Variants in ADTRP observed in about 807,000 individuals in gnomAD.
The protein encoded by ADTRP is androgen dependent TFPI regulating protein, also known as androgen-dependent TFPI-regulating protein.
ADTRP carries 20 observed loss-of-function variants against 27.0 expected under a neutral mutation model. That is an observed-to-expected ratio of 0.74 (90% CI 0.52 to 1.08). The LOEUF is 1.08. Among genes scored for constraint, ADTRP ranks in the 50% least tolerant of loss-of-function variants. ADTRP has a pLI of 0.00. For missense variants in ADTRP, 251 were observed against 275.0 expected, an observed-to-expected ratio of 0.91 and a Z score of 0.62; for synonymous variants, 101 against 105.2, an observed-to-expected ratio of 0.96 and a Z score of 0.25.
intron 4 of ADTRP, among the ~76,000 whole-genome samples, chr6:11,727,985 G>A (rs1373667122): frequency 6.9e-6 from 1 of 144,316 alleles, no homozygotes; most frequent in African/African-American, 2.5e-5. Flanking sequence ...TAGGTAGGGA[G>A]GGAGGGAGGG....
intron 3 of ADTRP, among the ~76,000 whole-genome samples, chr6:11,746,981 G>T (rs982152357): frequency 6.6e-6 from 1 of 152,170 alleles, no homozygotes; most frequent in Non-Finnish European, 1.5e-5. Context: ...CCACAACCCC[G>T]AGGTTGGCTG....
chr6:11,727,072 G>T (rs1762230965), intron 4 of ADTRP, among the ~76,000 whole-genome samples: 1 of 152,168 alleles, frequency 6.6e-6, no homozygotes, highest in Admixed American at 6.5e-5. Flanking sequence ...GCTCAGGCTG[G>T]AGTGCAGTGG....
chr6:11,754,495 T>C (rs941830404), intron 3 of ADTRP, among the ~76,000 whole-genome samples: 9 of 152,154 alleles, frequency 5.9e-5, no homozygotes, highest in African/African-American at 2.2e-4. Flanking sequence ...ATCTAAGAGC[T>C]AAGGATCCAC....
At chr6:11,763,601 T>C (rs967033004) in intron 3 of ADTRP, among the ~76,000 whole-genome samples, 6 of 152,218 alleles carry the variant, frequency 3.9e-5, no homozygotes, top group African/African-American at 1.4e-4. Flanking sequence ...TTTCCCAGAA[T>C]TGTATTCCTT....
At chr6:11,772,932 C>G (rs920775370) in intron 1 of ADTRP, among the ~76,000 whole-genome samples, 2 of 152,184 alleles carry the variant, frequency 1.3e-5, no homozygotes, top group African/African-American at 2.4e-5. Flanking sequence ...CCAAGAGCAT[C>G]AAGGGACAGG....
At chr6:11,758,575 T>TTG (rs67836687) in intron 3 of ADTRP, among the ~76,000 whole-genome samples, 1 of 29,448 alleles carries the variant, frequency 3.4e-5, no homozygotes, top group East Asian at 9.7e-4. Flanking sequence ...TGTTGTGGGG[T>TTG]GGGGGGGGGG....
intron 3 of ADTRP, among the ~76,000 whole-genome samples, chr6:11,763,305 G>T (rs1478907489): frequency 6.6e-6 from 1 of 152,190 alleles, no homozygotes; most frequent in African/African-American, 2.4e-5. Context: ...GGGGAGAGTG[G>T]TATTTCTTAC....
intron 3 of ADTRP, among the ~76,000 whole-genome samples, chr6:11,764,894 TAAAAAAAAAAAAAAA>T (rs34204085): frequency 1.6e-5 from 2 of 122,360 alleles, no homozygotes; most frequent in Non-Finnish European, 3.3e-5. Flanking sequence ...TACCATTTCT[TAAAAAAAAAAAAAAA>T]AAAAAAAAGC....
chr6:11,732,693 A>G (rs1762427198), intron 4 of ADTRP, among the ~76,000 whole-genome samples: 1 of 152,180 alleles, frequency 6.6e-6, no homozygotes, highest in Non-Finnish European at 1.5e-5. Context: ...CGAAATCCCA[A>G]ACCACCTCAG....
At chr6:11,724,950 A>G (rs1278299305) in intron 4 of ADTRP, among the ~76,000 whole-genome samples, 2 of 152,246 alleles carry the variant, frequency 1.3e-5, no homozygotes, top group Non-Finnish European at 2.9e-5. Context: ...GATCTCTTGT[A>G]GCAATTAGGA....
intron 5 of ADTRP, among the ~76,000 whole-genome samples, chr6:11,716,943 C>T (rs1215458437): frequency 3.4e-5 from 5 of 146,700 alleles, no homozygotes; most frequent in Non-Finnish European, 7.4e-5. Flanking sequence ...CCAGGCTTCT[C>T]TTGAACTCCT....
At position 11,718,895 on chromosome 6, in the gene ADTRP, C is replaced by T. The variant is rs145941045; in HGVS notation, c.659-4383G>A. 5.0e-3 allele frequency among the ~76,000 whole-genome samples: 769 copies of T among 152,334 alleles called. 7 individuals carry two copies. The highest frequency in any genetic ancestry group is 0.027 in the South Asian group (128 of 4,826). ...GCCATGACAACACTTGCCTCCTTGA[C>T]GCTCAAAGCCAGTTCCCTGCAACTG... On this transcript the variant is annotated intron_variant, in intron 5 of 5. Transcript: ENST00000414691.
At chr6:11,778,206 A>T (rs1332921452) in intron 1 of ADTRP, among the ~76,000 whole-genome samples, 2 of 152,340 alleles carry the variant, frequency 1.3e-5, no homozygotes, top group East Asian at 3.9e-4. Flanking sequence ...CTTCATTGGA[A>T]ATTACACTTC....
chr6:11,726,268 A>G (rs376358928), intron 4 of ADTRP, among the ~76,000 whole-genome samples: 3 of 152,116 alleles, frequency 2.0e-5, no homozygotes, highest in African/African-American at 4.8e-5. Flanking sequence ...TATGGTTTCA[A>G]TATGGTTTGT....
intron 5 of ADTRP, among the ~76,000 whole-genome samples, 189 bp from the exon 6 acceptor site, chr6:11,714,701 C>G (rs552338011): frequency 2.6e-5 from 4 of 152,210 alleles, no homozygotes; most frequent in Non-Finnish European, 5.9e-5. Flanking sequence ...GAGAACAACT[C>G]TGCCGTCCTC....
chr6:11,726,979 G>A (rs965788624), intron 4 of ADTRP, among the ~76,000 whole-genome samples: 5 of 152,130 alleles, frequency 3.3e-5, no homozygotes, highest in Admixed American at 3.3e-4. Flanking sequence ...TGAGAATGAG[G>A]TGACTAGAAC....
rs1415725370 is a variant in ADTRP at position 11,778,792 on chromosome 6, T to G, written c.-33A>C. Reference sequence around the variant, plus strand: ...GCTGACCGGGGCACCGTGAATGTCTTGAGTACTTTCTGGCGTCCTTCTGTG... The same window carrying G: ...GCTGACCGGGGCACCGTGAATGTCTGGAGTACTTTCTGGCGTCCTTCTGTG... On this transcript the variant is annotated 5_prime_UTR_variant, in exon 1 of 6. Coordinates refer to ENST00000414691, the MANE Select transcript of ADTRP (RefSeq NM_032744.4). The G allele has an allele frequency of 6.3e-7, 1 of 1,587,494 alleles. No homozygotes were observed. Among genetic ancestry groups the G allele is most frequent in the African/African-American group, 1.3e-5 (1 of 74,582 alleles).
At chr6:11,727,167 G>A (rs182797341) in intron 4 of ADTRP, among the ~76,000 whole-genome samples, 27 of 152,058 alleles carry the variant, frequency 1.8e-4, no homozygotes, top group African/African-American at 5.1e-4. Flanking sequence ...GTTTACAGGC[G>A]TGCGCCACCA....
At chr6:11,733,123 ACT>A (rs1379520382) in intron 4 of ADTRP, among the ~76,000 whole-genome samples, 2 of 151,898 alleles carry the variant, frequency 1.3e-5, no homozygotes, top group African/African-American at 2.4e-5. Context: ...CATTGTTCAC[ACT>A]CTCTGATTTT....
Sources: allele counts gnomAD v4.1 joint callset (sites outside exome capture counted in the v4.1 genomes callset), GRCh38; gene constraint gnomAD v4.1.1; transcripts MANE v1.5; gene names NCBI Gene and HGNC (gene_info 2026-07-23, HGNC 2026-07-21).